Variants in ROBO1 observed in about 807,000 individuals in gnomAD.
ROBO1 encodes the protein roundabout homolog 1.
ROBO1 carries 149 observed loss-of-function variants against 195.9 expected under a neutral mutation model. The ratio of observed to expected loss-of-function variants is 0.76; its 90% CI spans 0.67 to 0.87. The LOEUF (loss-of-function observed/expected upper bound fraction) is 0.87, where lower values mean the gene tolerates loss of function less well. Among genes scored for constraint, ROBO1 ranks in the 40% least tolerant of loss-of-function variants. The pLI, the probability that ROBO1 is intolerant of heterozygous loss-of-function variation, is 0.00. For synonymous variants in ROBO1, 816 were observed against 733.2 expected, an observed-to-expected ratio of 1.11 and a Z score of -1.82; for missense variants, 1,933 against 2,068.3, an observed-to-expected ratio of 0.93 and a Z score of 1.27.
intron 1 of ROBO1, among the ~76,000 whole-genome samples, chr3:79,667,715 G>C (rs575541887): frequency 1.3e-4 from 20 of 151,692 alleles, no homozygotes; most frequent in Non-Finnish European, 5.9e-5. Context: ...GTGATGTCTT[G>C]ATCAAGCAAT....
intron 25 of ROBO1, 119 bp downstream of exon 25, chr3:78,631,042 G>A: frequency 9.4e-7 from 1 of 1,066,772 alleles, no homozygotes; most frequent in Non-Finnish European, 1.3e-6. Context: ...TTATTTAAAG[G>A]CAACTGTTTG....
In ROBO1 at chr3:79,007,131, T is replaced by TA. The variant is rs199685590; in HGVS notation, c.173-68205dup. 5.4e-3 allele frequency among the ~76,000 whole-genome samples: 822 copies of TA among 151,632 alleles called. 7 individuals carry two copies. The highest frequency in any genetic ancestry group is 0.019 in the African/African-American group (782 of 41,348). ...GAATCTGTATCAAATAAGAAAAATT[T>TA]AAAAAAAAGGGCATCTTGTGCCTGA... On this transcript the variant is annotated intron_variant, in intron 3 of 30. Transcript: ENST00000464233.
chr3:78,962,993 A>T (rs1349169784), intron 3 of ROBO1, among the ~76,000 whole-genome samples: 2 of 151,976 alleles, frequency 1.3e-5, no homozygotes, highest in Admixed American at 6.6e-5. Flanking sequence ...TATTCTTAAG[A>T]AAGATAACAG....
intron 20 of ROBO1, 59 bp downstream of exon 20, chr3:78,647,570 A>T: frequency 6.8e-7 from 1 of 1,481,066 alleles, no homozygotes; most frequent in Non-Finnish European, 9.4e-7. Flanking sequence ...CAGAAACACA[A>T]TAGTGGAACA....
At chr3:79,112,510 C>G (rs549767766) in intron 3 of ROBO1, among the ~76,000 whole-genome samples, 1 of 152,236 alleles carries the variant, frequency 6.6e-6, no homozygotes, top group Admixed American at 6.5e-5. Context: ...AGTTGATGAA[C>G]TCCCAAGTTT....
At chr3:79,388,055 T>C (rs1243227511) in intron 2 of ROBO1, among the ~76,000 whole-genome samples, 1 of 152,190 alleles carries the variant, frequency 6.6e-6, no homozygotes, top group Non-Finnish European at 1.5e-5. Context: ...CAAACTAATT[T>C]CTTGGTTAAG....
At chr3:79,484,275 G>A (rs1371025364) in intron 2 of ROBO1, among the ~76,000 whole-genome samples, 2 of 152,120 alleles carry the variant, frequency 1.3e-5, no homozygotes, top group Non-Finnish European at 2.9e-5. Context: ...TTGATAAAAG[G>A]TCTAGTCAGT....
At chr3:78,869,885 A>G (rs2035444558) in intron 4 of ROBO1, among the ~76,000 whole-genome samples, 1 of 152,212 alleles carries the variant, frequency 6.6e-6, no homozygotes, top group Non-Finnish European at 1.5e-5. Context: ...AGTGCCTGAC[A>G]CATAGTAAGC....
chr3:79,504,735 T>C (rs1940296325), intron 2 of ROBO1, among the ~76,000 whole-genome samples: 1 of 152,188 alleles, frequency 6.6e-6, no homozygotes, highest in Admixed American at 6.5e-5. Context: ...CCCAATTTGT[T>C]TGATTTTTTT....
intron 2 of ROBO1, among the ~76,000 whole-genome samples, chr3:79,506,889 C>T (rs1940427704): frequency 6.6e-6 from 1 of 150,914 alleles, no homozygotes; most frequent in Non-Finnish European, 1.5e-5. Context: ...ATTTGTTATC[C>T]ATTAACCAAA....
chr3:79,610,330 G>A (rs898019785), intron 1 of ROBO1, among the ~76,000 whole-genome samples: 3 of 150,986 alleles, frequency 2.0e-5, no homozygotes, highest in Admixed American at 6.7e-5. Context: ...AATAGGATAA[G>A]TATAATAATA....
intron 2 of ROBO1, among the ~76,000 whole-genome samples, chr3:79,237,239 T>C (rs909242343): frequency 4.6e-5 from 7 of 152,106 alleles, no homozygotes; most frequent in Non-Finnish European, 8.8e-5. Flanking sequence ...TCCCACCACT[T>C]TGGGAGCCCG....
At chr3:79,508,406 G>C (rs1037558251) in intron 2 of ROBO1, among the ~76,000 whole-genome samples, 1 of 152,246 alleles carries the variant, frequency 6.6e-6, no homozygotes, top group South Asian at 2.1e-4. Flanking sequence ...CAAACTTCTA[G>C]CCTCGAAAAT....
chr3:79,245,479 TCTTA>T (rs1467799878), intron 2 of ROBO1, among the ~76,000 whole-genome samples: 1 of 152,048 alleles, frequency 6.6e-6, no homozygotes, highest in South Asian at 2.1e-4. Context: ...TATCATGAAC[TCTTA>T]CTTGGTTAAG....
At chr3:79,273,914 AAAG>A (rs1474195416) in intron 2 of ROBO1, among the ~76,000 whole-genome samples, 5 of 152,160 alleles carry the variant, frequency 3.3e-5, no homozygotes, top group African/African-American at 1.2e-4. Flanking sequence ...TGTAAGAGAC[AAAG>A]AAGATCATTA....
intron 1 of ROBO1, among the ~76,000 whole-genome samples, chr3:79,710,748 A>C (rs1702243221): frequency 6.6e-6 from 1 of 152,194 alleles, no homozygotes; most frequent in Non-Finnish European, 1.5e-5. Context: ...AGAGTAGCAT[A>C]AAATTTGGTT....
chr3:79,615,439 C>G (rs991530946), intron 1 of ROBO1, among the ~76,000 whole-genome samples: 1 of 152,044 alleles, frequency 6.6e-6, no homozygotes, highest in Admixed American at 6.6e-5. Context: ...AATCTATAGC[C>G]CAACCACCTT....
chr3:79,337,210 C>T (rs368286839), intron 2 of ROBO1, among the ~76,000 whole-genome samples: 26 of 152,178 alleles, frequency 1.7e-4, no homozygotes, highest in African/African-American at 4.3e-4. Flanking sequence ...GTTGGAATTA[C>T]GTGGTTGTAT....
intron 2 of ROBO1, among the ~76,000 whole-genome samples, chr3:79,556,802 G>T (rs1032264467): frequency 6.6e-6 from 1 of 151,708 alleles, no homozygotes; most frequent in Non-Finnish European, 1.5e-5. Context: ...TTTCACAAAA[G>T]GTAATTCCAC....
Sources: gnomAD v4.1 joint callset for allele counts (sites outside exome capture counted in the v4.1 genomes callset) on GRCh38, gnomAD v4.1.1 for gene constraint, MANE v1.5 for transcripts, NCBI Gene and HGNC (gene_info 2026-07-23, HGNC 2026-07-21) for gene names.